NEAT1: variants seen among roughly 807,000 people sequenced by gnomAD.
NEAT1 encodes nuclear paraspeckle assembly transcript 1.
exon 1 of NEAT1, chr11:65,440,618 G>C (rs1856705316): frequency 6.6e-6 from 1 of 151,942 alleles, no homozygotes; most frequent in South Asian, 2.1e-4. Flanking sequence ...GCCAAGGTGG[G>C]TGGATCACGA....
At chr11:65,444,613 G>A (rs1856749419) in exon 1 of NEAT1, 1 of 444,336 alleles carries the variant, frequency 2.3e-6, no homozygotes, top group African/African-American at 2.1e-5. Flanking sequence ...GGGCCCAGGG[G>A]AGGCAGAGCC....
At chr11:65,432,839 CCT>C (rs1004916165) in exon 1 of NEAT1, 2 of 151,312 alleles carry the variant, frequency 1.3e-5, no homozygotes, top group African/African-American at 2.4e-5. Context: ...ACCTTGCCCC[CCT>C]CTTACCCTCC....
exon 1 of NEAT1, chr11:65,440,635 G>C (rs1320528806): frequency 6.6e-6 from 1 of 151,798 alleles, no homozygotes; most frequent in Non-Finnish European, 1.5e-5. Flanking sequence ...ACGAGGTCAG[G>C]AGTTCGAGAC....
exon 1 of NEAT1, chr11:65,444,730 C>T (rs1488747666): frequency 1.5e-5 from 5 of 323,060 alleles, no homozygotes. Flanking sequence ...TCCTGGGGCC[C>T]TGGTGACTTG....
chr11:65,444,821 CCCAGGAAGGAAT>C (rs768035717), exon 1 of NEAT1: 73 of 251,662 alleles, frequency 2.9e-4, no homozygotes, highest in Admixed American at 6.9e-4. Context: ...GATGGCAGTT[CCCAGGAAGGAAT>C]CCACAGCTGA....
chr11:65,423,263 C>G (rs1856518808), exon 1 of NEAT1: 1 of 152,594 alleles, frequency 6.6e-6, no homozygotes, highest in Admixed American at 6.5e-5. Context: ...TAATCTTCAA[C>G]TTGTCCATGC....
At chr11:65,430,954 G>C (rs1229956844) in exon 1 of NEAT1, 1 of 152,294 alleles carries the variant, frequency 6.6e-6, no homozygotes, top group South Asian at 2.1e-4. Flanking sequence ...ATTCAGTAGT[G>C]TTAAGTATGT....
At chr11:65,435,945 A>G (rs1333140774) in exon 1 of NEAT1, 2 of 152,252 alleles carry the variant, frequency 1.3e-5, no homozygotes, top group African/African-American at 2.4e-5. Flanking sequence ...GTATTTAATG[A>G]TCTTTTATTC....
At chr11:65,442,135 T>C (rs1856720216) in exon 1 of NEAT1, 1 of 152,028 alleles carries the variant, frequency 6.6e-6, no homozygotes, top group African/African-American at 2.4e-5. Flanking sequence ...GATTTTTTTT[T>C]TTTTTTTAAT....
chr11:65,436,682 C>T (rs1488775031), exon 1 of NEAT1: 1 of 152,192 alleles, frequency 6.6e-6, no homozygotes, highest in Non-Finnish European at 1.5e-5. Flanking sequence ...CACCGCATAT[C>T]TGTATTCATG....
exon 1 of NEAT1, chr11:65,426,873 T>C (rs1354786342): frequency 6.6e-6 from 1 of 152,162 alleles, no homozygotes; most frequent in Non-Finnish European, 1.5e-5. Flanking sequence ...GGTACTTATT[T>C]TTGTTTGGTT....
At chr11:65,434,891 T>A (rs1856645157) in exon 1 of NEAT1, 1 of 152,238 alleles carries the variant, frequency 6.6e-6, no homozygotes, top group African/African-American at 2.4e-5. Flanking sequence ...AAGACTGTAA[T>A]TGGTACAGTA....
exon 1 of NEAT1, chr11:65,431,538 G>A (rs1209006918): frequency 6.6e-6 from 1 of 152,162 alleles, no homozygotes; most frequent in Non-Finnish European, 1.5e-5. Context: ...GTGCACAAGG[G>A]TTCCGAGGTT....
chr11:65,430,970 T>C (rs1856609245), exon 1 of NEAT1: 1 of 152,338 alleles, frequency 6.6e-6, no homozygotes, highest in African/African-American at 2.4e-5. Context: ...TATGTCGCCA[T>C]TGTTGTACAA....
At chr11:65,427,711 A>AC (rs1856575607) in exon 1 of NEAT1, 1 of 151,246 alleles carries the variant, frequency 6.6e-6, no homozygotes, top group Non-Finnish European at 1.5e-5. Flanking sequence ...TTCCTATCTT[A>AC]CCCCTTTGCT....
chr11:65,445,046 G>A, exon 1 of NEAT1: 1 of 154,488 alleles, frequency 6.5e-6, no homozygotes, highest in East Asian at 1.9e-4. Flanking sequence ...AAAAATTCAA[G>A]CCATGGGTAT....
chr11:65,426,676 G>C (rs1173118243), exon 1 of NEAT1: 1 of 152,226 alleles, frequency 6.6e-6, no homozygotes, highest in African/African-American at 2.4e-5. Flanking sequence ...GGTAACCACA[G>C]ATAGAACTGG....
exon 1 of NEAT1, chr11:65,422,918 GC>G (rs1181546544): frequency 6.6e-6 from 1 of 152,478 alleles, no homozygotes; most frequent in Non-Finnish European, 1.5e-5. Context: ...GAGGGGGCGG[GC>G]TGGGGGTGCG....
chr11:65,437,224 T>TAC (rs1348139756), exon 1 of NEAT1: 1 of 143,280 alleles, frequency 7.0e-6, no homozygotes, highest in African/African-American at 2.7e-5. Context: ...TATATATATA[T>TAC]ATACATATAT....
Sources: allele counts gnomAD v4.1 joint callset, GRCh38; gene constraint gnomAD v4.1.1; transcripts MANE v1.5; gene names NCBI Gene and HGNC (gene_info 2026-07-23, HGNC 2026-07-21).